The following RIMS1 variants were observed in gnomAD, a reference collection of about 807,000 sequenced individuals.
RIMS1 encodes regulating synaptic membrane exocytosis 1, also known as regulating synaptic membrane exocytosis protein 1.
Under a neutral mutation model 214.1 loss-of-function variants are expected in RIMS1, and 83 were observed. That is an observed-to-expected ratio of 0.39 (90% CI 0.32 to 0.47). The LOEUF (loss-of-function observed/expected upper bound fraction) is 0.47. Among genes scored for constraint, RIMS1 ranks in the 20% least tolerant of loss-of-function variants. The probability of loss-of-function intolerance (pLI) is 0.99; values close to 1 mark genes in which losing one functional copy is unlikely to be tolerated. For synonymous variants in RIMS1, 793 were observed against 786.8 expected (o/e 1.01, Z -0.13); for missense variants, 2,050 against 2,161.8 (o/e 0.95, Z 1.03).
chr6:71,997,380 C>A (rs1242038484), intron 2 of RIMS1, among the ~76,000 whole-genome samples: 1 of 152,086 alleles, frequency 6.6e-6, no homozygotes, highest in East Asian at 1.9e-4. Context: ...AGCAAGCCAG[C>A]TAAAATTCAA....
intron 28 of RIMS1, among the ~76,000 whole-genome samples, chr6:72,323,406 C>T (rs1450715742): frequency 6.6e-6 from 1 of 151,626 alleles, no homozygotes; most frequent in Admixed American, 6.6e-5. Flanking sequence ...GATTATTTAA[C>T]AGAGACCTGG....
At position 72,099,991 on chromosome 6, in the gene RIMS1, G is replaced by T; in HGVS notation, c.471+5G>T. 6.3e-7 allele frequency: 1 copy of T among 1,599,606 alleles called. No homozygotes were observed. Among genetic ancestry groups the T allele is most frequent in the Non-Finnish European group, 8.6e-7 (1 of 1,167,976 alleles). On this transcript the variant is annotated splice_donor_5th_base_variant and intron_variant, in intron 4 of 33. Transcript: ENST00000521978. Reference sequence around the variant, plus strand: ...TTCCCAAAGGAGGACAAAGTGGTTAGAATCCATACTTTCTTTTCTATCATT... The same window carrying T: ...TTCCCAAAGGAGGACAAAGTGGTTATAATCCATACTTTCTTTTCTATCATT...
chr6:72,196,936 G>A (rs567711933), intron 6 of RIMS1, among the ~76,000 whole-genome samples: 1 of 152,094 alleles, frequency 6.6e-6, no homozygotes, highest in African/African-American at 2.4e-5. Flanking sequence ...TGTTCATTCA[G>A]TATTTGTTGA....
At chr6:72,220,654 A>G (rs1317372919) in intron 6 of RIMS1, among the ~76,000 whole-genome samples, 1 of 152,142 alleles carries the variant, frequency 6.6e-6, no homozygotes, top group Non-Finnish European at 1.5e-5. Context: ...GCCATTTTAT[A>G]TCATAAACAA....
At chr6:71,914,314 A>G (rs1197164694) in intron 1 of RIMS1, among the ~76,000 whole-genome samples, 1 of 152,080 alleles carries the variant, frequency 6.6e-6, no homozygotes, top group East Asian at 1.9e-4. Context: ...ATTCCTTCTG[A>G]CAAACAGGAA....
intron 4 of RIMS1, among the ~76,000 whole-genome samples, chr6:72,161,045 T>A (rs1380983751): frequency 1.1e-4 from 16 of 140,414 alleles, no homozygotes; most frequent in African/African-American, 3.9e-4. Context: ...AGGCAATTAA[T>A]TATTGCCTCA....
At chr6:71,954,411 T>G (rs1790553616) in intron 1 of RIMS1, among the ~76,000 whole-genome samples, 1 of 152,216 alleles carries the variant, frequency 6.6e-6, no homozygotes, top group South Asian at 2.1e-4. Flanking sequence ...TAAAGCTCCT[T>G]TAAGATTTTC....
intron 2 of RIMS1, among the ~76,000 whole-genome samples, chr6:72,071,177 C>T (rs751462396): frequency 6.6e-6 from 1 of 152,066 alleles, no homozygotes; most frequent in Non-Finnish European, 1.5e-5. Context: ...AGAAGAATCA[C>T]GTGAGGCCAG....
chr6:72,237,211 TAGAA>T (rs780814906), intron 8 of RIMS1, among the ~76,000 whole-genome samples: 15 of 69,428 alleles, frequency 2.2e-4, no homozygotes, highest in African/African-American at 4.2e-4. Context: ...GTCTCAAAAA[TAGAA>T]AGAGAGAGAG....
chr6:72,356,350 T>A (rs1318920272), intron 29 of RIMS1, among the ~76,000 whole-genome samples: 1 of 151,868 alleles, frequency 6.6e-6, no homozygotes, highest in Non-Finnish European at 1.5e-5. Flanking sequence ...ACTCTTCCAC[T>A]GAAAGGCCTC....
intron 29 of RIMS1, among the ~76,000 whole-genome samples, chr6:72,376,324 G>A (rs540864554): frequency 1.3e-5 from 2 of 152,184 alleles, no homozygotes; most frequent in East Asian, 3.9e-4. Context: ...TTTTGTCTGG[G>A]TCTATAGATT....
chr6:72,246,869 G>A (rs1479610021), intron 11 of RIMS1, among the ~76,000 whole-genome samples: 2 of 152,122 alleles, frequency 1.3e-5, no homozygotes, highest in African/African-American at 4.8e-5. Context: ...TAAGGAAAAT[G>A]TATTTTAAAT....
Position 72,361,259 on chromosome 6 carries a change from C to T in RIMS1, c.4366+27424C>T, listed in dbSNP as rs185170294. 8.2e-4 allele frequency among the ~76,000 whole-genome samples: 124 copies of T among 151,768 alleles called. 1 individual carries two copies. The highest frequency in any genetic ancestry group is 2.9e-3 in the African/African-American group (119 of 41,442). On this transcript the variant is annotated intron_variant, in intron 29 of 33. Coordinates refer to ENST00000521978, the MANE Select transcript of RIMS1 (RefSeq NM_014989.7). ...TAGCTGGGATTACAGGCACATGCCG[C>T]CACGCCCTGCTTTTTTTTGTATTTT...
chr6:72,042,015 T>A (rs1342858061), intron 2 of RIMS1, among the ~76,000 whole-genome samples: 1 of 151,948 alleles, frequency 6.6e-6, no homozygotes, highest in Non-Finnish European at 1.5e-5. Context: ...AAATTTTATT[T>A]ACATTTGTAT....
chr6:71,925,108 T>C lies in RIMS1; in HGVS notation c.164+37921T>C, dbSNP rs556569081. On this transcript the variant is annotated intron_variant, in intron 1 of 33. Coordinates refer to ENST00000521978, the MANE Select transcript of RIMS1 (RefSeq NM_014989.7). ...ATATATAATATTTTCCTTTCAATGATAATGGGTTAATGAGGAATAATTTGG... is the reference window on the plus strand; with the variant it reads ...ATATATAATATTTTCCTTTCAATGACAATGGGTTAATGAGGAATAATTTGG... Among the ~76,000 whole-genome samples, 8 of 152,318 alleles carry C rather than the reference T, an allele frequency of 5.3e-5. No homozygotes were observed. In the East Asian group the frequency reaches 1.5e-3, roughly 29 times the overall value.
intron 23 of RIMS1, among the ~76,000 whole-genome samples, chr6:72,281,018 A>G (rs2154212727): frequency 6.6e-6 from 1 of 152,230 alleles, no homozygotes; most frequent in East Asian, 1.9e-4. Flanking sequence ...AAGCACAGAG[A>G]CATTAAGTAA....
At chr6:72,232,170 T>C (rs2154080845) in intron 6 of RIMS1, among the ~76,000 whole-genome samples, 1 of 151,810 alleles carries the variant, frequency 6.6e-6, no homozygotes, top group African/African-American at 2.4e-5. Flanking sequence ...GTGTTTCTAT[T>C]AATTTTCACA....
At chr6:72,179,945 G>A in intron 5 of RIMS1, 30 bp downstream of exon 5, 2 of 1,372,364 alleles carry the variant, frequency 1.5e-6, no homozygotes, top group South Asian at 2.0e-5. Context: ...GTAAGCAAAA[G>A]GCAAGATTTT....
At chr6:72,306,973 C>T (rs1160482870) in intron 26 of RIMS1, among the ~76,000 whole-genome samples, 3 of 152,056 alleles carry the variant, frequency 2.0e-5, no homozygotes, top group Admixed American at 6.6e-5. Flanking sequence ...TTCGCATAAT[C>T]ATTTATGAAG....
Sources: allele counts gnomAD v4.1 joint callset (sites outside exome capture counted in the v4.1 genomes callset), GRCh38; gene constraint gnomAD v4.1.1; transcripts MANE v1.5; gene names NCBI Gene and HGNC (gene_info 2026-07-23, HGNC 2026-07-21).